GLIS3: variants seen among roughly 807,000 people sequenced by gnomAD.
GLIS3 encodes GLIS family zinc finger 3.
Under a neutral mutation model 78.6 loss-of-function variants are expected in GLIS3, and 53 were observed. The observed-to-expected ratio is 0.67, with a 90% CI of 0.54 to 0.85. The LOEUF (loss-of-function observed/expected upper bound fraction) is 0.85, where lower values mean the gene tolerates loss of function less well. Ranked by LOEUF, GLIS3 falls within the 40% of genes least tolerant of loss-of-function variation. The probability of loss-of-function intolerance (pLI) is 0.00; values close to 1 mark genes in which losing one functional copy is unlikely to be tolerated. For synonymous variants in GLIS3, 684 were observed against 509.9 expected (o/e 1.34, Z -4.60); for missense variants, 1,703 against 1,231.1 (o/e 1.38, Z -5.74).
chr9:4,004,737 T>A (rs933564636), intron 4 of GLIS3, among the ~76,000 whole-genome samples: 3 of 152,148 alleles, frequency 2.0e-5, no homozygotes, highest in Non-Finnish European at 4.4e-5. Flanking sequence ...AGACTAACAT[T>A]TACTGAGAAG....
chr9:4,118,301 C>T lies in GLIS3; in HGVS notation c.1177G>A (p.Glu393Lys), dbSNP rs778230145. Reference protein sequence around the residue: ...AYGEDGALEHERMQQLEHGGL... With the variant: ...AYGEDGALEHKRMQQLEHGGL... ...CCGTGCTCCAGCTGTTGCATGCGCT[C>T]GTGCTCCAGGGCCCCGTCCTCGCCG... Residue 393 changes from glutamate (E) to lysine (K), a missense_variant, in exon 4 of 11, where the codon GAG becomes AAG. Coordinates refer to ENST00000381971, the MANE Select transcript of GLIS3 (RefSeq NM_001042413.2). This position sits in a 1 kb window ranked among gnomAD's most constrained non-coding sequence, Gnocchi z 4.7. 8.9e-6 allele frequency: 14 copies of T among 1,578,832 alleles called. No individual in the cohort carries two copies. The highest frequency in any genetic ancestry group is 1.7e-4 in the Middle Eastern group (1 of 5,914).
chr9:4,326,715 A>G lies in GLIS3; in HGVS notation n.265-16187T>C, dbSNP rs150643828. 3.9e-5 allele frequency among the ~76,000 whole-genome samples: 6 copies of G among 152,348 alleles called. No homozygotes were observed. The East Asian group carries it at 9.6e-4, about 24-fold the overall frequency. On this transcript the variant is annotated intron_variant and non_coding_transcript_variant, in intron 2 of 4. Transcript: ENST00000471664. ...AATTTTATGTTTTATATATTTTATC[A>G]CAATAAAAATGGAACCTACAGCAAC...
At chr9:4,408,921 T>G in the GLIS3 span, among the ~76,000 whole-genome samples, 22 of 152,058 alleles carry the variant, frequency 1.4e-4, no homozygotes, top group South Asian at 4.6e-3. Flanking sequence ...TACTACACAC[T>G]GCATACCTGT....
the GLIS3 span, among the ~76,000 whole-genome samples, chr9:4,477,347 G>C: frequency 7.6e-6 from 1 of 131,206 alleles, no homozygotes; most frequent in African/African-American, 2.9e-5. Context: ...AAGTAGGATG[G>C]TGTTTGCTGG....
chr9:3,837,648 A>C (rs1300987625), intron 9 of GLIS3, among the ~76,000 whole-genome samples: 1 of 152,238 alleles, frequency 6.6e-6, no homozygotes, highest in East Asian at 1.9e-4. Context: ...ATTTAAATGC[A>C]TATTGCTGAG....
chr9:4,085,559 C>G (rs1387772087), intron 4 of GLIS3, among the ~76,000 whole-genome samples: 1 of 152,106 alleles, frequency 6.6e-6, no homozygotes, highest in Admixed American at 6.5e-5. Flanking sequence ...TTCTGAGAAC[C>G]ATCAAAATTA....
chr9:4,259,724 C>G (rs1409532782), intron 2 of GLIS3, among the ~76,000 whole-genome samples: 1 of 152,150 alleles, frequency 6.6e-6, no homozygotes, highest in Non-Finnish European at 1.5e-5. Flanking sequence ...GCTCTATTCA[C>G]AGATGGGGTG....
intron 2 of GLIS3, among the ~76,000 whole-genome samples, chr9:4,185,567 T>C (rs889415404): frequency 6.6e-6 from 1 of 152,204 alleles, no homozygotes; most frequent in Non-Finnish European, 1.5e-5. Context: ...TATTCATCAA[T>C]GTCCCATAAG....
chr9:4,280,069 G>C (rs946397251), intron 2 of GLIS3, among the ~76,000 whole-genome samples: 11 of 152,130 alleles, frequency 7.2e-5, no homozygotes, highest in Middle Eastern at 3.2e-3. Context: ...ACCCAGGCTT[G>C]AGTGCAGTGG....
At chr9:4,320,672 T>C (rs1817510507) in intron 2 of GLIS3, among the ~76,000 whole-genome samples, 1 of 151,902 alleles carries the variant, frequency 6.6e-6, no homozygotes, top group Non-Finnish European at 1.5e-5. Flanking sequence ...ACCTCCATCA[T>C]CACCACCGCC....
Position 4,167,081 on chromosome 9 carries a change from G to A in GLIS3, c.389-41140C>T, listed in dbSNP as rs776606757. Among the ~76,000 whole-genome samples, 87 of 151,744 alleles carry A rather than the reference G, an allele frequency of 5.7e-4. 1 individual carries two copies. The highest frequency in any genetic ancestry group is 1.2e-3 in the Non-Finnish European group (78 of 67,662). ...AATCAGAAGTAAAATCAGTTCATTT[G>A]GATCCGAAGGGATAAAGATCATGCC... is the stretch of plus-strand genomic sequence containing the variant. On this transcript the variant is annotated intron_variant, in intron 2 of 10. Coordinates refer to ENST00000381971, the MANE Select transcript of GLIS3 (RefSeq NM_001042413.2).
At chr9:4,371,620 A>T in the GLIS3 span, among the ~76,000 whole-genome samples, 1 of 152,050 alleles carries the variant, frequency 6.6e-6, no homozygotes, top group Admixed American at 6.5e-5. Flanking sequence ...GGGATCCACT[A>T]GGTATAGGAC....
chr9:4,426,271 T>G, the GLIS3 span, among the ~76,000 whole-genome samples: 1 of 152,214 alleles, frequency 6.6e-6, no homozygotes, highest in South Asian at 2.1e-4. Flanking sequence ...TTCATAGGAT[T>G]TACTGTTTTT....
At chr9:4,093,074 A>C (rs949837395) in intron 4 of GLIS3, among the ~76,000 whole-genome samples, 1 of 152,126 alleles carries the variant, frequency 6.6e-6, no homozygotes, top group Non-Finnish European at 1.5e-5. Context: ...TCTTTGACCA[A>C]CATGTTGTTA....
intron 9 of GLIS3, among the ~76,000 whole-genome samples, chr9:3,831,583 G>A (rs1193029644): frequency 6.6e-6 from 1 of 152,182 alleles, no homozygotes; most frequent in Non-Finnish European, 1.5e-5. Context: ...CCCTAAAAGT[G>A]TTCAGACTAT....
At chr9:4,273,481 T>C (rs888800727) in intron 2 of GLIS3, among the ~76,000 whole-genome samples, 2 of 152,054 alleles carry the variant, frequency 1.3e-5, no homozygotes, top group African/African-American at 4.8e-5. Flanking sequence ...TGGTCCCCAC[T>C]ACTCAGGAGG....
the GLIS3 span, among the ~76,000 whole-genome samples, chr9:4,404,321 G>A: frequency 5.3e-5 from 8 of 152,134 alleles, no homozygotes; most frequent in African/African-American, 1.9e-4. Context: ...CTGCCAGACA[G>A]GAAATCAACA....
At chr9:3,949,868 G>A (rs537742766) in intron 4 of GLIS3, among the ~76,000 whole-genome samples, 1 of 152,308 alleles carries the variant, frequency 6.6e-6, no homozygotes, top group Admixed American at 6.5e-5. Context: ...AATCCAATCT[G>A]CGTCATATCA....
chr9:4,072,785 GTTTA>G (rs76593391), intron 4 of GLIS3, among the ~76,000 whole-genome samples: 9,059 of 151,382 alleles, frequency 0.06, 416 homozygotes, highest in African/African-American at 0.13. Flanking sequence ...TGCTGTTGTT[GTTTA>G]GTTTCTTTCT....
Sources: allele counts gnomAD v4.1 joint callset (sites outside exome capture counted in the v4.1 genomes callset), GRCh38; gene constraint gnomAD v4.1.1; non-coding constraint Gnocchi (gnomAD v3.1); transcripts MANE v1.5; gene names NCBI Gene and HGNC (gene_info 2026-07-23, HGNC 2026-07-21).